Variants in ZNF568 observed in about 807,000 individuals in gnomAD.
ZNF568 encodes the protein p53 inhibitor of SCO2 activation.
ZNF568 carries 11 observed loss-of-function variants against 18.1 expected under a neutral mutation model. The ratio of observed to expected loss-of-function variants is 0.61; its 90% CI spans 0.38 to 1.00. ZNF568 has a LOEUF of 1.00. ZNF568 is among the 50% of genes least tolerant of loss of function. The pLI is 0.01. For missense variants in ZNF568, 639 were observed against 768.2 expected (o/e 0.83, Z 1.99); for synonymous variants, 213 against 246.6 (o/e 0.86, Z 1.28).
chr19:36,934,964 T>C (rs1406983857), intron 4 of ZNF568, among the ~76,000 whole-genome samples: 1 of 151,576 alleles, frequency 6.6e-6, no homozygotes, highest in East Asian at 1.9e-4. Context: ...AAGAGACAGG[T>C]CTGGCTGTGT....
chr19:36,987,099 G>C (rs911705089), intron 2 of ZNF568, among the ~76,000 whole-genome samples: 1 of 152,124 alleles, frequency 6.6e-6, no homozygotes, highest in Admixed American at 6.5e-5. Flanking sequence ...TATATGTAAG[G>C]CACCAGGAAC....
At chr19:36,956,287 C>T (rs1440611781), downstream of ZNF568, among the ~76,000 whole-genome samples, 11 of 152,148 alleles carry the variant, frequency 7.2e-5, no homozygotes, top group Admixed American at 5.2e-4. Context: ...TGCTGTTGGA[C>T]GAAAGGAGCT....
chr19:36,925,151 C>A, intron 3 of ZNF568, 49 bp from the exon 4 acceptor site: 1 of 1,562,804 alleles, frequency 6.4e-7, no homozygotes, highest in Non-Finnish European at 8.8e-7. Flanking sequence ...TTTCTATATT[C>A]CTTTGTCTGA....
At position 36,997,207 on chromosome 19, in the gene ZNF568, C is replaced by A. The variant is rs1403041078; in HGVS notation, c.1120C>A (p.Pro374Thr). The A allele has an allele frequency of 5.6e-6, 9 of 1,608,080 alleles. No homozygotes were observed. The African/African-American group carries it at 1.1e-4, about 19-fold the overall frequency. Residue 374 changes from proline (P) to threonine (T), a missense_variant, in exon 5 of 5, where the codon CCC becomes ACC. Transcript: ENST00000433993. ...TCAAAGAATTCATACTGGTGAGAAACCCCATGAATGTAAGGAATGTGGGAA... is the reference window on the plus strand; with the variant it reads ...TCAAAGAATTCATACTGGTGAGAAAACCCATGAATGTAAGGAATGTGGGAA...
intron 6 of ZNF568, among the ~76,000 whole-genome samples, chr19:36,968,079 T>A (rs2074207091): frequency 1.3e-5 from 2 of 152,160 alleles, no homozygotes; most frequent in Non-Finnish European, 2.9e-5. Flanking sequence ...ACAAAGCATA[T>A]AACATGGATC....
chr19:36,962,277 G>GTTATTT lies in ZNF568; in HGVS notation c.359-12141_359-12140insATTTTT, dbSNP rs1555736279. On this transcript the variant is annotated intron_variant, in intron 6 of 7. Coordinates refer to the ZNF568 transcript ENST00000427117. ...TTTTCATGATGGTAAGTGTTGCAGT[G>GTTATTT]TTTTTTTTTTTTTTTTTTTTTTTGC... Among the ~76,000 whole-genome samples the GTTATTT allele has an allele frequency of 9.1e-4, 41 of 45,282 alleles. 3 individuals carry two copies. Among genetic ancestry groups the GTTATTT allele is most frequent in the African/African-American group, 2.2e-3 (26 of 11,942 alleles). 29.7% of individuals were successfully genotyped at this position (45,282 alleles called of 152,430 possible).
intron 4 of ZNF568, among the ~76,000 whole-genome samples, chr19:36,995,798 T>C (rs1340640868): frequency 6.6e-6 from 1 of 152,220 alleles, no homozygotes; most frequent in African/African-American, 2.4e-5. Context: ...ACTTTAATCT[T>C]ACATAAATAC....
intron 6 of ZNF568, among the ~76,000 whole-genome samples, chr19:36,940,805 C>T (rs1197288660): frequency 2.0e-5 from 3 of 152,080 alleles, no homozygotes; most frequent in Non-Finnish European, 4.4e-5. Context: ...AAGCCATTTT[C>T]CTGTAAGATC....
chr19:36,957,127 T>G (rs1166055040), downstream of ZNF568, among the ~76,000 whole-genome samples: 1 of 150,136 alleles, frequency 6.7e-6, no homozygotes, highest in African/African-American at 2.4e-5. Context: ...ACTGGGAAAC[T>G]CCATTCTTAC....
At position 36,922,696 on chromosome 19, in the gene ZNF568, A is replaced by G; in HGVS notation, c.-75A>G. ...CTGAGACCTGCCTTAGAGGCTGGAG[A>G]GTCCTGAAAGAGAGTGGACCCTGGA... On this transcript the variant is annotated 5_prime_UTR_variant, in exon 3 of 7. Coordinates refer to ENST00000333987, the MANE Select transcript of ZNF568 (RefSeq NM_198539.4). The G allele has an allele frequency of 7.7e-7, 1 of 1,300,962 alleles. No homozygotes were observed. Among genetic ancestry groups the G allele is most frequent in the South Asian group, 1.3e-5 (1 of 79,904 alleles). 80.6% of individuals were successfully genotyped at this position (1,300,962 alleles called of 1,614,324 possible).
intron 7 of ZNF568, among the ~76,000 whole-genome samples, chr19:36,975,807 T>G (rs953405627): frequency 3.4e-5 from 5 of 148,230 alleles, no homozygotes; most frequent in African/African-American, 1.3e-4. Flanking sequence ...GCAATTCTTC[T>G]GCCTCAACCT....
At position 36,934,482 on chromosome 19, in the gene ZNF568, T is replaced by C. The variant is rs1285535539; in HGVS notation, c.136-2264T>C. ...ACTACTGGCATACACCACCACGCCCTACTAAGTTTTTGTATTTTTTGTAGA... is the reference window on the plus strand; with the variant it reads ...ACTACTGGCATACACCACCACGCCCCACTAAGTTTTTGTATTTTTTGTAGA... On this transcript the variant is annotated intron_variant, in intron 4 of 6. Transcript: ENST00000333987. 5.9e-5 allele frequency among the ~76,000 whole-genome samples: 9 copies of C among 151,970 alleles called. No homozygotes were observed. The East Asian group carries it at 1.8e-3, about 30-fold the overall frequency.
intron 4 of ZNF568, among the ~76,000 whole-genome samples, chr19:36,930,422 G>C (rs2073667047): frequency 6.6e-6 from 1 of 151,934 alleles, no homozygotes; most frequent in African/African-American, 2.4e-5. Flanking sequence ...TGTTAGCCAG[G>C]ATGGTCTCGA....
chr19:36,961,175 T>C (rs893758568), intron 6 of ZNF568, among the ~76,000 whole-genome samples: 9 of 152,190 alleles, frequency 5.9e-5, no homozygotes, highest in African/African-American at 2.2e-4. Flanking sequence ...AATATTTGCT[T>C]TATGAATCTG....
rs138851375 is a variant in ZNF568, at chr19:36,935,094, C to A, written c.136-1652C>A. ...TCCTGTGTAGCTGGGCCTATTGAGG[C>A]TTCTTTTATAGACTAACATATTTTC... is the stretch of plus-strand genomic sequence containing the variant. On this transcript the variant is annotated intron_variant, in intron 4 of 6. Coordinates refer to ENST00000333987, the MANE Select transcript of ZNF568 (RefSeq NM_198539.4). 1.6e-4 allele frequency among the ~76,000 whole-genome samples: 24 copies of A among 152,176 alleles called. No individual in the cohort carries two copies. In the East Asian group the frequency reaches 4.4e-3, roughly 28 times the overall value.
At chr19:36,937,922 A>G (rs1448908180) in intron 6 of ZNF568, among the ~76,000 whole-genome samples, 3 of 150,132 alleles carry the variant, frequency 2.0e-5, no homozygotes, top group Admixed American at 6.6e-5. Flanking sequence ...CCTTTTGTGC[A>G]AAAGTAAATC....
chr19:36,991,272 G>A, exon 3 of ZNF568: 3 of 1,535,216 alleles, frequency 2.0e-6, no homozygotes, highest in Non-Finnish European at 2.6e-6. Context: ...TGTAATGTTG[G>A]AAAATTACGG....
At chr19:36,937,556 T>C (rs2073811986) in intron 6 of ZNF568, among the ~76,000 whole-genome samples, 1 of 152,228 alleles carries the variant, frequency 6.6e-6, no homozygotes. Flanking sequence ...GCACTCTCTT[T>C]CCTTTATGTT....
intron 3 of ZNF568, chr19:36,991,363 T>C: frequency 6.9e-7 from 1 of 1,448,268 alleles, no homozygotes. Flanking sequence ...CCTTCTGGAA[T>C]TCTTATGTTC....
Sources: gnomAD v4.1 joint callset for allele counts (sites outside exome capture counted in the v4.1 genomes callset) on GRCh38, gnomAD v4.1.1 for gene constraint, MANE v1.5 for transcripts, NCBI Gene and HGNC (gene_info 2026-07-23, HGNC 2026-07-21) for gene names.